The following GRIP1 variants were observed in gnomAD, a reference collection of about 807,000 sequenced individuals.
GRIP1 encodes the protein glutamate receptor-interacting protein 1.
In GRIP1, 45 loss-of-function variants were observed where a neutral mutation model predicts 129.9. The ratio of observed to expected loss-of-function variants is 0.35; its 90% CI spans 0.27 to 0.44. The LOEUF is 0.44. Ranked by LOEUF, GRIP1 falls within the 20% of genes least tolerant of loss-of-function variation. The pLI is 1.00. For synonymous variants in GRIP1, 530 were observed against 520.8 expected, an observed-to-expected ratio of 1.02 and a Z score of -0.24; for missense variants, 1,196 against 1,396.8, an observed-to-expected ratio of 0.86 and a Z score of 2.29.
At chr12:66,457,063 A>C (rs977279835) in intron 9 of GRIP1, among the ~76,000 whole-genome samples, 4 of 152,126 alleles carry the variant, frequency 2.6e-5, no homozygotes, top group Admixed American at 1.3e-4. Context: ...AATTTTAATA[A>C]AGTTTATTTC....
chr12:66,934,839 T>C (rs905343152), intron 1 of GRIP1, among the ~76,000 whole-genome samples: 1 of 152,182 alleles, frequency 6.6e-6, no homozygotes, highest in South Asian at 2.1e-4. Flanking sequence ...AACAAATATC[T>C]GTTGTGAGAT....
At chr12:66,908,473 G>A (rs1218167231) in intron 1 of GRIP1, among the ~76,000 whole-genome samples, 1 of 152,210 alleles carries the variant, frequency 6.6e-6, no homozygotes, top group African/African-American at 2.4e-5. Flanking sequence ...CCCTTAACAG[G>A]TTAGCTGTCA....
chr12:66,556,096 G>A (rs1565858191), intron 2 of GRIP1, among the ~76,000 whole-genome samples: 2 of 151,958 alleles, frequency 1.3e-5, no homozygotes, highest in Non-Finnish European at 1.5e-5. Flanking sequence ...CAAACAGATT[G>A]AGCCCAAAGA....
At chr12:66,382,866 G>A (rs1444547913) in intron 19 of GRIP1, among the ~76,000 whole-genome samples, 1 of 152,206 alleles carries the variant, frequency 6.6e-6, no homozygotes, top group African/African-American at 2.4e-5. Context: ...CATCCTTTTA[G>A]TCTTAATGCA....
At chr12:67,062,872 A>G (rs963221910) in intron 1 of GRIP1, among the ~76,000 whole-genome samples, 1 of 152,208 alleles carries the variant, frequency 6.6e-6, no homozygotes, top group Non-Finnish European at 1.5e-5. Context: ...TTTTTCACAA[A>G]ACATTAGACT....
chr12:66,351,858 G>A (rs12426224), intron 24 of GRIP1, among the ~76,000 whole-genome samples: 1 of 152,150 alleles, frequency 6.6e-6, no homozygotes, highest in East Asian at 1.9e-4. Flanking sequence ...CTGTCTCCTA[G>A]AGTCGCTGGT....
intron 1 of GRIP1, among the ~76,000 whole-genome samples, chr12:66,636,097 T>C (rs776055073): frequency 2.6e-5 from 4 of 152,216 alleles, no homozygotes; most frequent in African/African-American, 7.2e-5. Flanking sequence ...AAGAAAGTCT[T>C]GTCACATGCT....
chr12:66,850,086 A>T (rs1454289814), intron 1 of GRIP1, among the ~76,000 whole-genome samples: 2 of 152,184 alleles, frequency 1.3e-5, no homozygotes, highest in African/African-American at 4.8e-5. Flanking sequence ...CAGAGCACAT[A>T]TAGCTAAACA....
chr12:66,839,623 C>G (rs60903343), intron 1 of GRIP1, among the ~76,000 whole-genome samples: 24,605 of 152,054 alleles, frequency 0.16, 2,144 homozygotes, highest in East Asian at 0.37. Flanking sequence ...AAAGATATCC[C>G]CAAAGGGATA....
At chr12:66,517,027 T>C (rs991046784) in intron 6 of GRIP1, among the ~76,000 whole-genome samples, 3 of 152,198 alleles carry the variant, frequency 2.0e-5, no homozygotes, top group Non-Finnish European at 4.4e-5. Context: ...GAACAGTCCC[T>C]AGCACGTAGT....
chr12:66,594,173 G>A (rs2063954035), intron 2 of GRIP1, among the ~76,000 whole-genome samples: 1 of 151,996 alleles, frequency 6.6e-6, no homozygotes, highest in Non-Finnish European at 1.5e-5. Context: ...TACTTGGGAG[G>A]GGCCTCTGCA....
intron 1 of GRIP1, among the ~76,000 whole-genome samples, chr12:66,761,861 G>A (rs1330113517): frequency 1.3e-5 from 2 of 152,166 alleles, no homozygotes; most frequent in African/African-American, 4.8e-5. Flanking sequence ...AGCAACAAAT[G>A]TGGTGCAGCA....
intron 1 of GRIP1, among the ~76,000 whole-genome samples, chr12:66,664,349 A>G (rs906830213): frequency 5.9e-5 from 9 of 152,230 alleles, no homozygotes; most frequent in Non-Finnish European, 1.0e-4. Flanking sequence ...AGTTTTAAAA[A>G]TAACTTTATA....
intron 23 of GRIP1, among the ~76,000 whole-genome samples, chr12:66,357,114 T>C (rs1485664967): frequency 6.6e-6 from 1 of 152,170 alleles, no homozygotes; most frequent in Non-Finnish European, 1.5e-5. Flanking sequence ...TGAGCTCAAG[T>C]GATCCGCCAG....
chr12:66,721,335 C>A (rs2036051556), intron 1 of GRIP1, among the ~76,000 whole-genome samples: 1 of 152,010 alleles, frequency 6.6e-6, no homozygotes. Context: ...AGTGCAGTGG[C>A]AGTATCTCAG....
chr12:66,794,010 T>G (rs1413611985), intron 1 of GRIP1, among the ~76,000 whole-genome samples: 1 of 152,140 alleles, frequency 6.6e-6, no homozygotes, highest in Non-Finnish European at 1.5e-5. Context: ...TAGCATGTGT[T>G]GAAAAGAAAA....
rs73130836 is a variant in GRIP1 at position 66,778,188 on chromosome 12, A to G, written c.-420+25865T>C. Among the ~76,000 whole-genome samples the G allele has an allele frequency of 5.6e-3, 848 of 152,316 alleles. 7 individuals carry two copies. Among genetic ancestry groups the G allele is most frequent in the Non-Finnish European group, 8.3e-3 (567 of 68,030 alleles). ...TTAAAAGGTGGCTACAGTAGAATATACAATCATATATGCAGCTTGAATTTG... is the reference window on the plus strand; with the variant it reads ...TTAAAAGGTGGCTACAGTAGAATATGCAATCATATATGCAGCTTGAATTTG... On this transcript the variant is annotated intron_variant, in intron 1 of 4. Coordinates refer to the GRIP1 transcript ENST00000538373.
chr12:66,659,659 A>G (rs774285371), intron 1 of GRIP1, among the ~76,000 whole-genome samples: 2 of 152,200 alleles, frequency 1.3e-5, no homozygotes, highest in Non-Finnish European at 1.5e-5. Context: ...TAATAGAACA[A>G]TTCTTTTACA....
chr12:66,419,430 T>TA (rs2057725162), intron 15 of GRIP1, among the ~76,000 whole-genome samples: 1 of 152,128 alleles, frequency 6.6e-6, no homozygotes, highest in South Asian at 2.1e-4. Flanking sequence ...ATTGTACACT[T>TA]AAAAATAACT....
Sources: gnomAD v4.1 joint callset for allele counts (sites outside exome capture counted in the v4.1 genomes callset) on GRCh38, gnomAD v4.1.1 for gene constraint, MANE v1.5 for transcripts, NCBI Gene and HGNC (gene_info 2026-07-23, HGNC 2026-07-21) for gene names.